The following ZNF875 variants were observed in gnomAD, a reference collection of about 807,000 sequenced individuals.
The protein encoded by ZNF875 is HKR1, GLI-Kruppel zinc finger family member.
A neutral mutation model predicts 11.2 loss-of-function variants in ZNF875; 14 were observed. The ratio of observed to expected loss-of-function variants is 1.26; its 90% CI spans 0.83 to 1.96. ZNF875 has a LOEUF of 1.96. Ranked by LOEUF, ZNF875 falls within the 30% of genes most tolerant of loss-of-function variation. ZNF875 has a pLI of 0.00. For synonymous variants in ZNF875, 301 were observed against 281.1 expected, an observed-to-expected ratio of 1.07 and a Z score of -0.71; for missense variants, 752 against 760.4, an observed-to-expected ratio of 0.99 and a Z score of 0.13.
chr19:37,357,424 A>G (rs1462117576), intron 4 of ZNF875, among the ~76,000 whole-genome samples: 2 of 152,216 alleles, frequency 1.3e-5, no homozygotes, highest in Non-Finnish European at 2.9e-5. Flanking sequence ...TGCTTTGGGC[A>G]GTATCATCAT....
intron 4 of ZNF875, among the ~76,000 whole-genome samples, chr19:37,351,037 C>T (rs1056188864): frequency 6.6e-6 from 1 of 152,054 alleles, no homozygotes; most frequent in African/African-American, 2.4e-5. Flanking sequence ...CTCCTGACCT[C>T]AGGTGATCCA....
intron 4 of ZNF875, among the ~76,000 whole-genome samples, chr19:37,348,659 A>G (rs897401782): frequency 6.6e-5 from 10 of 152,204 alleles, no homozygotes; most frequent in African/African-American, 9.6e-5. Flanking sequence ...TTATAATACA[A>G]TTCATTTATC....
chr19:37,357,700 A>C lies in ZNF875; in HGVS notation c.257-4409A>C, dbSNP rs377728591. ...TTGTACATTGATTTTGTATCCTGGA[A>C]CTTTACTGAATTTTTTTTTTTAATC... is the stretch of plus-strand genomic sequence containing the variant. On this transcript the variant is annotated intron_variant, in intron 4 of 4. Transcript: ENST00000392153. 5.3e-5 allele frequency among the ~76,000 whole-genome samples: 8 copies of C among 150,636 alleles called. No individual in the cohort carries two copies. In the East Asian group the frequency reaches 1.2e-3, roughly 22 times the overall value.
chr19:37,328,358 G>T (rs2032857816), intron 4 of ZNF875, among the ~76,000 whole-genome samples: 1 of 152,322 alleles, frequency 6.6e-6, no homozygotes, highest in South Asian at 2.1e-4. Flanking sequence ...CAAAGTTCAT[G>T]TGTTGGAAAC....
intron 3 of ZNF875, 62 bp from the exon 4 acceptor site, chr19:37,347,715 G>GT (rs2037080949): frequency 9.6e-7 from 1 of 1,038,846 alleles, no homozygotes; most frequent in Admixed American, 1.7e-5. Context: ...TCAGCTCTGA[G>GT]TTCTAGAATG....
At chr19:37,354,401 T>C (rs915373528) in intron 4 of ZNF875, among the ~76,000 whole-genome samples, 1 of 151,524 alleles carries the variant, frequency 6.6e-6, no homozygotes, top group Non-Finnish European at 1.5e-5. Context: ...TGGCTGGTTA[T>C]GTATATTTTC....
rs1468316071 is a variant in ZNF875 at position 37,347,889 on chromosome 19, G to A, written c.256+17G>A. On this transcript the variant is annotated intron_variant, in intron 4 of 4. Coordinates refer to ENST00000392153, the MANE Select transcript of ZNF875 (RefSeq NM_001353803.2). The stretch of plus-strand genomic sequence containing the variant: ...TCTGTCCAGGTGAGTGTTGAGTGTG[G>A]GGTAGACGGGATAATCCACAGCTTG... The A allele has an allele frequency of 7.0e-7, 1 of 1,418,870 alleles. No individual in the cohort carries two copies. Among genetic ancestry groups the A allele is most frequent in the East Asian group, 2.3e-5 (1 of 43,962 alleles). 87.9% of individuals were successfully genotyped at this position (1,418,870 alleles called of 1,614,324 possible). A position where few individuals can be genotyped will look rare whatever the true frequency, so the allele number is the denominator to read the frequency against.
intron 4 of ZNF875, among the ~76,000 whole-genome samples, chr19:37,357,183 G>A (rs1021571105): frequency 1.3e-5 from 2 of 152,120 alleles, no homozygotes; most frequent in African/African-American, 4.8e-5. Context: ...AGATCTATAT[G>A]TCTATTTTTG....
At position 37,362,911 on chromosome 19, in the gene ZNF875, C is replaced by T. The variant is rs935391998; in HGVS notation, c.1059C>T (p.Leu353=). 6.2e-7 allele frequency: 1 copy of T among 1,613,314 alleles called. No individual in the cohort carries two copies. The highest frequency in any genetic ancestry group is 8.5e-7 in the Non-Finnish European group (1 of 1,179,866). The change falls in exon 5 of 5, where the codon CTC becomes CTT. Residue 353 remains leucine (L), a synonymous_variant. Transcript: ENST00000392153. ...AGAGCTTTAGCCTGAAGTCAAACCT[C>T]ATTACCCACCAGAGGGCGCACACTG... ...CGQSFSLKSN[L]ITHQRAHTGE...
At chr19:37,320,421 A>G (rs2031182813) in intron 1 of ZNF875, among the ~76,000 whole-genome samples, 1 of 152,224 alleles carries the variant, frequency 6.6e-6, no homozygotes. Flanking sequence ...AATTCCAAAT[A>G]ACAGTTCCCA....
Position 37,363,815 on chromosome 19 carries a change from C to T in ZNF875, c.*40C>T, listed in dbSNP as rs117543308. On this transcript the variant is annotated 3_prime_UTR_variant, in exon 5 of 5. Transcript: ENST00000392153. ...TAGGGAATGTGGTACAGCCTTTAGCCAGGAGTCATACTTCATCAGACACCA... is the reference window on the plus strand; with the variant it reads ...TAGGGAATGTGGTACAGCCTTTAGCTAGGAGTCATACTTCATCAGACACCA... The T allele has an allele frequency of 8.5e-4, 1,310 of 1,546,020 alleles. 2 individuals are homozygous for T. Among genetic ancestry groups the T allele is most frequent in the Non-Finnish European group, 1.1e-3 (1,205 of 1,123,068 alleles).
Position 37,362,517 on chromosome 19 carries a change from G to T in ZNF875, c.665G>T (p.Gly222Val). The change falls in exon 5 of 5, where the codon GGA (glycine) becomes GTA (valine). Residue 222 changes from glycine to valine, a missense_variant. Transcript: ENST00000392153. Reference sequence around the variant, plus strand: ...GTATTGCATGGTTTAGAAGTCTCAGGATTTGGAGAAATCAAATATGAAGAG... The same window carrying T: ...GTATTGCATGGTTTAGAAGTCTCAGTATTTGGAGAAATCAAATATGAAGAG... ...DKVLHGLEVS[G>V]FGEIKYEEFG... The T allele has an allele frequency of 6.2e-7, 1 of 1,614,240 alleles. No homozygotes were observed.
chr19:37,355,996 ATTGTTTAGCTCCTAC>A (rs1298493014), intron 4 of ZNF875, among the ~76,000 whole-genome samples: 1 of 151,908 alleles, frequency 6.6e-6, no homozygotes, highest in Non-Finnish European at 1.5e-5. Flanking sequence ...GTGTGTACCC[ATTGTTTAGCTCCTAC>A]TTGTGAGAAC....
chr19:37,353,665 A>G (rs1460356576), intron 4 of ZNF875, among the ~76,000 whole-genome samples: 4 of 152,230 alleles, frequency 2.6e-5, no homozygotes, highest in Non-Finnish European at 4.4e-5. Context: ...GCGAAAATTA[A>G]CTGGAGATAG....
intron 4 of ZNF875, among the ~76,000 whole-genome samples, chr19:37,350,786 A>G (rs1568625718): frequency 1.4e-5 from 2 of 138,798 alleles, no homozygotes; most frequent in African/African-American, 2.6e-5. Flanking sequence ...CCCCATCACT[A>G]TAATTCTTTT....
chr19:37,336,392 C>A (rs1242329881), intron 2 of ZNF875, among the ~76,000 whole-genome samples: 5 of 151,114 alleles, frequency 3.3e-5, no homozygotes, highest in African/African-American at 9.7e-5. Flanking sequence ...CTCTGCCTCC[C>A]AGGTTCACAC....
chr19:37,319,701 C>T (rs1051788503), intron 1 of ZNF875, among the ~76,000 whole-genome samples: 10 of 152,202 alleles, frequency 6.6e-5, no homozygotes, highest in Admixed American at 5.2e-4. Flanking sequence ...ACCCTCAATC[C>T]GTTACTCAGA....
Position 37,363,667 on chromosome 19 carries a change from A to G in ZNF875, c.1815A>G (p.Arg605=). The G allele has an allele frequency of 6.2e-7, 1 of 1,613,410 alleles. No homozygotes were observed. Among genetic ancestry groups the G allele is most frequent in the Non-Finnish European group, 8.5e-7 (1 of 1,179,638 alleles). ...QGFSRQSHLI[R]HQRTHSGEKP... Reference sequence around the variant, plus strand: ...TTAGCCGGCAGTCACACCTCATTAGACACCAGAGGACACATTCAGGAGAGA... The same window carrying G: ...TTAGCCGGCAGTCACACCTCATTAGGCACCAGAGGACACATTCAGGAGAGA... The change falls in exon 5 of 5, where the codon AGA becomes AGG. Residue 605 remains arginine, a synonymous_variant. Coordinates refer to ENST00000392153, the MANE Select transcript of ZNF875 (RefSeq NM_001353803.2).
In ZNF875 at chr19:37,363,905, G is replaced by C. The variant is rs1190624707; in HGVS notation, c.*130G>C. ...AGATACCAAAGTGGAGACATTCTGT[G>C]TGTGATTATGCATGAGACTGTACTG... On this transcript the variant is annotated 3_prime_UTR_variant, in exon 5 of 5. Transcript: ENST00000392153. 1 of 700,638 alleles carries C rather than the reference G, an allele frequency of 1.4e-6. No homozygotes were observed. Among genetic ancestry groups the C allele is most frequent in the Admixed American group, 2.6e-5 (1 of 37,780 alleles). The allele number at this position is 700,638 out of a possible 1,614,324, so 43.4% of individuals were successfully genotyped here.
Sources: allele counts gnomAD v4.1 joint callset (sites outside exome capture counted in the v4.1 genomes callset), GRCh38; gene constraint gnomAD v4.1.1; transcripts MANE v1.5; gene names NCBI Gene and HGNC (gene_info 2026-07-23, HGNC 2026-07-21).